The following DLC1 variants were observed in gnomAD, a reference collection of about 807,000 sequenced individuals.
DLC1 encodes DLC1 Rho GTPase activating protein.
DLC1 carries 54 observed loss-of-function variants against 140.3 expected under a neutral mutation model. The observed-to-expected ratio is 0.38, with a 90% CI of 0.31 to 0.48. DLC1 has a LOEUF of 0.48. Among genes scored for constraint, DLC1 ranks in the 20% least tolerant of loss-of-function variants. The probability of loss-of-function intolerance (pLI) is 0.96; values close to 1 mark genes in which losing one functional copy is unlikely to be tolerated. For synonymous variants in DLC1, 986 were observed against 728.1 expected (o/e 1.35, Z -5.70); for missense variants, 2,536 against 1,907.0 (o/e 1.33, Z -6.14).
chr8:13,600,987 C>T (rs1264469328), intron 1 of DLC1, among the ~76,000 whole-genome samples: 1 of 151,724 alleles, frequency 6.6e-6, no homozygotes, highest in African/African-American at 2.4e-5. Flanking sequence ...TTATTCAGTA[C>T]TTCTTAACAC....
At chr8:13,110,160 A>C (rs1331975554) in intron 7 of DLC1, among the ~76,000 whole-genome samples, 2 of 151,566 alleles carry the variant, frequency 1.3e-5, no homozygotes, top group Non-Finnish European at 2.9e-5. Context: ...CACCTCACTA[A>C]AACCTATAAG....
chr8:13,425,851 T>C (rs918687120), intron 2 of DLC1, among the ~76,000 whole-genome samples: 2 of 152,238 alleles, frequency 1.3e-5, no homozygotes, highest in African/African-American at 4.8e-5. Flanking sequence ...CATAGCTCAC[T>C]GTAGCCTTGA....
intron 1 of DLC1, among the ~76,000 whole-genome samples, chr8:13,565,538 ATGAAGT>A (rs1472249976): frequency 1.3e-5 from 2 of 152,226 alleles, no homozygotes; most frequent in African/African-American, 4.8e-5. Flanking sequence ...GGTTGAATAA[ATGAAGT>A]TGGAGTCTCC....
intron 5 of DLC1, among the ~76,000 whole-genome samples, chr8:13,157,000 C>T (rs1038669266): frequency 6.6e-6 from 1 of 152,072 alleles, no homozygotes; most frequent in Non-Finnish European, 1.5e-5. Context: ...GATTCTCAGA[C>T]AGGAAGTGTA....
intron 5 of DLC1, among the ~76,000 whole-genome samples, chr8:13,235,042 C>T (rs1829216630): frequency 6.6e-6 from 1 of 151,976 alleles, no homozygotes; most frequent in Non-Finnish European, 1.5e-5. Flanking sequence ...TTATTACAAT[C>T]AATTTAGTTA....
chr8:13,358,899 GA>G (rs1835074070), intron 4 of DLC1, among the ~76,000 whole-genome samples: 1 of 152,172 alleles, frequency 6.6e-6, no homozygotes, highest in Non-Finnish European at 1.5e-5. Context: ...AACACTATTT[GA>G]AAAGTAATGC....
intron 2 of DLC1, among the ~76,000 whole-genome samples, chr8:13,483,799 G>A (rs1370297256): frequency 6.6e-6 from 1 of 151,980 alleles, no homozygotes; most frequent in Non-Finnish European, 1.5e-5. Context: ...AGATAATCTC[G>A]GGCGGGGTGT....
chr8:13,467,971 T>A (rs11781861), intron 2 of DLC1, among the ~76,000 whole-genome samples: 37,960 of 152,114 alleles, frequency 0.25, 5,890 homozygotes, highest in Middle Eastern at 0.37. Flanking sequence ...ATTTTGTTTA[T>A]GTTTTGTTTT....
At chr8:13,237,151 A>G (rs1485602369) in intron 5 of DLC1, among the ~76,000 whole-genome samples, 1 of 151,256 alleles carries the variant, frequency 6.6e-6, no homozygotes, top group African/African-American at 2.4e-5. Context: ...AGTGGAAAAA[A>G]AATATACACA....
At chr8:13,317,873 A>G (rs947377254) in intron 4 of DLC1, among the ~76,000 whole-genome samples, 1 of 152,174 alleles carries the variant, frequency 6.6e-6, no homozygotes, top group Non-Finnish European at 1.5e-5. Flanking sequence ...TATTTTGTGA[A>G]TAACTAGGAA....
chr8:13,531,089 T>G (rs1803081318), intron 1 of DLC1, among the ~76,000 whole-genome samples: 1 of 152,088 alleles, frequency 6.6e-6, no homozygotes, highest in African/African-American at 2.4e-5. Flanking sequence ...GGTGAAGACA[T>G]GGGAAGAAGG....
At chr8:13,330,624 A>G (rs1411346012) in intron 4 of DLC1, among the ~76,000 whole-genome samples, 1 of 152,168 alleles carries the variant, frequency 6.6e-6, no homozygotes, top group East Asian at 1.9e-4. Flanking sequence ...GGGCCTTCCT[A>G]TCATGAAGCT....
At chr8:13,510,099 C>T (rs1353765576) in intron 1 of DLC1, among the ~76,000 whole-genome samples, 1 of 151,722 alleles carries the variant, frequency 6.6e-6, no homozygotes, top group South Asian at 2.1e-4. Context: ...ACTATCTCTT[C>T]TATGTCCATG....
intron 2 of DLC1, among the ~76,000 whole-genome samples, chr8:13,432,241 C>A (rs1838912878): frequency 6.6e-6 from 1 of 152,104 alleles, no homozygotes; most frequent in Admixed American, 6.6e-5. Context: ...AACTTCAGAA[C>A]AGATATTTAT....
intron 5 of DLC1, among the ~76,000 whole-genome samples, chr8:13,227,081 A>G (rs1030151123): frequency 1.6e-4 from 25 of 152,134 alleles, no homozygotes; most frequent in Non-Finnish European, 3.2e-4. Flanking sequence ...GCTTATTCTG[A>G]ATTCTGTGCT....
rs1387435593 is a variant in DLC1, at chr8:13,270,791, T to C, written c.1348+34478A>G. Among the ~76,000 whole-genome samples, 6 of 152,304 alleles carry C rather than the reference T, an allele frequency of 3.9e-5. No individual in the cohort carries two copies. In the East Asian group the frequency reaches 1.2e-3, roughly 29 times the overall value. On this transcript the variant is annotated intron_variant, in intron 5 of 17. Transcript: ENST00000276297. ...TTGCCCAAAAGCCCAAAGCCAATTA[T>C]AGAGGTGTCATGCTAACAAGGTGAA...
intron 5 of DLC1, among the ~76,000 whole-genome samples, chr8:13,229,545 T>C (rs1828949493): frequency 6.6e-6 from 1 of 151,990 alleles, no homozygotes; most frequent in East Asian, 1.9e-4. Flanking sequence ...TTAAAAACTA[T>C]CAAATTGTGT....
At chr8:13,141,474 C>T (rs1230907654) in intron 5 of DLC1, among the ~76,000 whole-genome samples, 1 of 152,076 alleles carries the variant, frequency 6.6e-6, no homozygotes, top group Non-Finnish European at 1.5e-5. Flanking sequence ...TATTTTCAGC[C>T]TTTCACCTTG....
At position 13,572,248 on chromosome 8, in the gene DLC1, C is replaced by T. The variant is rs1225984598; in HGVS notation, c.-126+32289G>A. On this transcript the variant is annotated intron_variant, in intron 1 of 1. Transcript: ENST00000631382. ...GGGACTACAGGTGCCTGCCACCACG[C>T]CCAGCTAATTTTTTGTATTTTTAGT... Among the ~76,000 whole-genome samples, 4 of 152,040 alleles carry T rather than the reference C, an allele frequency of 2.6e-5. No individual in the cohort carries two copies. In the East Asian group the frequency reaches 7.8e-4, roughly 30 times the overall value.
Sources: gnomAD v4.1 joint callset for allele counts (sites outside exome capture counted in the v4.1 genomes callset) on GRCh38, gnomAD v4.1.1 for gene constraint, MANE v1.5 for transcripts, NCBI Gene and HGNC (gene_info 2026-07-23, HGNC 2026-07-21) for gene names.